Variants in GOLM2 observed in about 807,000 individuals in gnomAD.
GOLM2 encodes protein GOLM2.
In GOLM2, 26 loss-of-function variants were observed where a neutral mutation model predicts 55.9. The observed-to-expected ratio is 0.47, with a 90% CI of 0.34 to 0.65. GOLM2 has a LOEUF of 0.65. Among genes scored for constraint, GOLM2 ranks in the 30% least tolerant of loss-of-function variants. The pLI is 0.01. For synonymous variants in GOLM2, 165 were observed against 194.6 expected, an observed-to-expected ratio of 0.85 and a Z score of 1.27; for missense variants, 486 against 531.8, an observed-to-expected ratio of 0.91 and a Z score of 0.85.
At chr15:44,303,984 C>T (rs1210206446) in intron 1 of GOLM2, among the ~76,000 whole-genome samples, 3 of 151,740 alleles carry the variant, frequency 2.0e-5, no homozygotes, top group South Asian at 2.1e-4. Context: ...CCTGACTCGG[C>T]CTTCCAAAGT....
intron 1 of GOLM2, among the ~76,000 whole-genome samples, chr15:44,298,929 AG>A (rs1237012050): frequency 1.3e-5 from 2 of 152,202 alleles, no homozygotes; most frequent in Non-Finnish European, 2.9e-5. Flanking sequence ...TATCCTTATA[AG>A]AAAAAAAAAT....
chr15:44,332,983 A>G (rs1270732425), intron 4 of GOLM2, among the ~76,000 whole-genome samples: 2 of 152,156 alleles, frequency 1.3e-5, no homozygotes, highest in Non-Finnish European at 2.9e-5. Flanking sequence ...GCCCAGCTAG[A>G]GTGCAGTGGC....
At chr15:44,332,414 A>G (rs1050319249) in intron 4 of GOLM2, among the ~76,000 whole-genome samples, 2 of 152,086 alleles carry the variant, frequency 1.3e-5, no homozygotes, top group African/African-American at 4.8e-5. Flanking sequence ...AAATATAGCC[A>G]GGCTTGGTGG....
chr15:44,397,116 C>T (rs2079531554), intron 8 of GOLM2, among the ~76,000 whole-genome samples: 1 of 152,046 alleles, frequency 6.6e-6, no homozygotes, highest in Non-Finnish European at 1.5e-5. Context: ...TACGGAGCAG[C>T]AGAACTGTAT....
intron 6 of GOLM2, among the ~76,000 whole-genome samples, chr15:44,360,429 A>G (rs1386794111): frequency 6.6e-6 from 1 of 152,126 alleles, no homozygotes; most frequent in African/African-American, 2.4e-5. Context: ...CAGACTTTAA[A>G]CCAACAAAGA....
intron 1 of GOLM2, among the ~76,000 whole-genome samples, chr15:44,295,888 A>G (rs971010906): frequency 6.6e-6 from 1 of 150,816 alleles, no homozygotes; most frequent in African/African-American, 2.5e-5. Context: ...AACACAGTTC[A>G]TCTTAGAACA....
chr15:44,306,755 G>T (rs1301649531), intron 1 of GOLM2, among the ~76,000 whole-genome samples: 1 of 152,202 alleles, frequency 6.6e-6, no homozygotes, highest in Non-Finnish European at 1.5e-5. Context: ...AAATAGGGAA[G>T]CCTGAGGAGA....
chr15:44,313,747 T>C (rs961713778), intron 1 of GOLM2, among the ~76,000 whole-genome samples: 4 of 152,184 alleles, frequency 2.6e-5, no homozygotes, highest in African/African-American at 7.2e-5. Flanking sequence ...CAGACCAAGA[T>C]CAAATCCTTT....
chr15:44,292,713 T>C (rs2078729701), intron 1 of GOLM2, among the ~76,000 whole-genome samples: 1 of 152,174 alleles, frequency 6.6e-6, no homozygotes, highest in Non-Finnish European at 1.5e-5. Flanking sequence ...TGAATGTCTG[T>C]TCTTGGGGTT....
chr15:44,361,734 A>G (rs2079241431), intron 6 of GOLM2, among the ~76,000 whole-genome samples: 2 of 152,156 alleles, frequency 1.3e-5, no homozygotes, highest in South Asian at 4.1e-4. Flanking sequence ...CCAGGCAGAG[A>G]CACAACCAAA....
intron 1 of GOLM2, among the ~76,000 whole-genome samples, chr15:44,310,264 A>G (rs1371290469): frequency 1.3e-5 from 2 of 151,870 alleles, no homozygotes; most frequent in African/African-American, 4.8e-5. Context: ...CATTAATTAC[A>G]TGATGCAAGT....
intron 1 of GOLM2, among the ~76,000 whole-genome samples, chr15:44,318,235 T>G (rs764055529): frequency 3.9e-5 from 6 of 152,112 alleles, no homozygotes; most frequent in Admixed American, 6.6e-5. Context: ...TAAAAAAAAA[T>G]GTAACAGTCA....
At chr15:44,377,267 G>C (rs1471780751) in intron 6 of GOLM2, among the ~76,000 whole-genome samples, 1 of 152,194 alleles carries the variant, frequency 6.6e-6, no homozygotes, top group Non-Finnish European at 1.5e-5. Context: ...AGCTACTTGG[G>C]AGGCTGAGCT....
At chr15:44,292,258 T>G (rs2078726411) in intron 1 of GOLM2, among the ~76,000 whole-genome samples, 1 of 150,504 alleles carries the variant, frequency 6.6e-6, no homozygotes. Flanking sequence ...AGTACAGTGG[T>G]GTGATCTCGG....
intron 1 of GOLM2, among the ~76,000 whole-genome samples, chr15:44,312,020 T>G (rs181547520): frequency 2.0e-4 from 30 of 152,308 alleles, no homozygotes; most frequent in African/African-American, 7.0e-4. Flanking sequence ...CTTGGGAGAA[T>G]GTAACAAGAA....
At chr15:44,335,497 C>T (rs1246193970) in intron 4 of GOLM2, among the ~76,000 whole-genome samples, 1 of 151,938 alleles carries the variant, frequency 6.6e-6, no homozygotes, top group African/African-American at 2.4e-5. Flanking sequence ...TAATTTTGTT[C>T]AATATTTTTC....
At chr15:44,315,676 G>A (rs1453024628) in intron 1 of GOLM2, among the ~76,000 whole-genome samples, 1 of 152,266 alleles carries the variant, frequency 6.6e-6, no homozygotes, top group East Asian at 1.9e-4. Context: ...TAAAACTCAG[G>A]AGAGAGGTCT....
At chr15:44,390,082 A>G (rs1323348537) in intron 8 of GOLM2, 1 of 152,190 alleles carries the variant, frequency 6.6e-6, no homozygotes, top group Non-Finnish European at 1.5e-5. Context: ...ATATTTTTGT[A>G]AATTTAATTT....
rs747697030 is a variant in GOLM2 at position 44,366,763 on chromosome 15, G to A, written c.803-12927G>A. On this transcript the variant is annotated intron_variant, in intron 6 of 9. Coordinates refer to ENST00000299957, the MANE Select transcript of GOLM2 (RefSeq NM_138423.4). ...TGTAATCCGAACAGTTTGGGATGCCGAGGTGGGAGTATTGCTTGAGGCCAG... is the reference window on the plus strand; with the variant it reads ...TGTAATCCGAACAGTTTGGGATGCCAAGGTGGGAGTATTGCTTGAGGCCAG... 1.5e-3 allele frequency among the ~76,000 whole-genome samples: 226 copies of A among 152,126 alleles called. 6 individuals carry two copies. Among genetic ancestry groups the A allele is most frequent in the Non-Finnish European group, 1.4e-3 (96 of 68,034 alleles).
Sources: gnomAD v4.1 joint callset for allele counts (sites outside exome capture counted in the v4.1 genomes callset) on GRCh38, gnomAD v4.1.1 for gene constraint, MANE v1.5 for transcripts, NCBI Gene and HGNC (gene_info 2026-07-23, HGNC 2026-07-21) for gene names.